CSMD3: variants seen among roughly 807,000 people sequenced by gnomAD.
The protein encoded by CSMD3 is CUB and Sushi multiple domains 3.
CSMD3 carries 177 observed loss-of-function variants against 435.2 expected under a neutral mutation model. That is an observed-to-expected ratio of 0.41 (90% confidence interval 0.36 to 0.46). The LOEUF (loss-of-function observed/expected upper bound fraction) is 0.46, where lower values mean the gene tolerates loss of function less well. CSMD3 is among the 20% of genes least tolerant of loss of function. The probability of loss-of-function intolerance (pLI) is 0.34; values close to 1 mark genes in which losing one functional copy is unlikely to be tolerated. For missense variants in CSMD3, 4,265 were observed against 4,504.6 expected, an observed-to-expected ratio of 0.95 and a Z score of 1.52; for synonymous variants, 1,656 against 1,520.5, an observed-to-expected ratio of 1.09 and a Z score of -2.07.
chr8:112,990,293 T>C (rs1480298243), intron 6 of CSMD3, among the ~76,000 whole-genome samples: 1 of 151,960 alleles, frequency 6.6e-6, no homozygotes, highest in East Asian at 1.9e-4. Context: ...CCTTCTATGA[T>C]AGTCAACTAT....
intron 1 of CSMD3, among the ~76,000 whole-genome samples, chr8:113,412,170 C>T (rs2094562675): frequency 6.6e-6 from 1 of 151,994 alleles, no homozygotes; most frequent in Non-Finnish European, 1.5e-5. Flanking sequence ...TTTATTAAGT[C>T]AATCTCTGTA....
At chr8:113,256,730 G>A (rs999085362) in intron 3 of CSMD3, among the ~76,000 whole-genome samples, 10 of 152,152 alleles carry the variant, frequency 6.6e-5, no homozygotes, top group African/African-American at 2.4e-4. Context: ...AACTTTTACT[G>A]AAGCCACCAA....
chr8:112,678,644 A>C (rs1190320817), intron 16 of CSMD3, among the ~76,000 whole-genome samples: 3 of 152,214 alleles, frequency 2.0e-5, no homozygotes, highest in South Asian at 2.1e-4. Context: ...ACTGATTTCC[A>C]TTGTTCTGTA....
intron 5 of CSMD3, among the ~76,000 whole-genome samples, chr8:113,058,736 C>T (rs1421862456): frequency 6.6e-6 from 1 of 151,908 alleles, no homozygotes; most frequent in East Asian, 1.9e-4. Context: ...GAAGAAGCTT[C>T]CCTAGCGATA....
chr8:113,097,406 T>C (rs1022642351), intron 5 of CSMD3, among the ~76,000 whole-genome samples: 12 of 152,066 alleles, frequency 7.9e-5, no homozygotes, highest in African/African-American at 1.7e-4. Context: ...TGAAAGTATT[T>C]CACAAGACTT....
intron 1 of CSMD3, among the ~76,000 whole-genome samples, chr8:113,357,459 A>G (rs1365723716): frequency 6.6e-6 from 1 of 152,258 alleles, no homozygotes; most frequent in Non-Finnish European, 1.5e-5. Flanking sequence ...CTGGTGTGAC[A>G]GGGGAAATTT....
At chr8:113,042,630 T>C (rs2087671618) in intron 5 of CSMD3, among the ~76,000 whole-genome samples, 1 of 152,194 alleles carries the variant, frequency 6.6e-6, no homozygotes, top group Admixed American at 6.5e-5. Context: ...TATGTGTCTT[T>C]TCCTTTCAAA....
intron 13 of CSMD3, among the ~76,000 whole-genome samples, chr8:112,759,262 G>A (rs916346574): frequency 6.6e-6 from 1 of 152,018 alleles, no homozygotes; most frequent in Non-Finnish European, 1.5e-5. Context: ...TATATTAAGT[G>A]ATACACATAT....
chr8:112,515,333 C>A (rs1008648944), intron 28 of CSMD3, among the ~76,000 whole-genome samples: 1 of 152,118 alleles, frequency 6.6e-6, no homozygotes, highest in Admixed American at 6.6e-5. Context: ...ATAATTTATT[C>A]TTTACATAAA....
chr8:112,382,363 T>C (rs1829548391), intron 37 of CSMD3, among the ~76,000 whole-genome samples: 1 of 151,670 alleles, frequency 6.6e-6, no homozygotes, highest in South Asian at 2.1e-4. Context: ...AAAAGTGTGC[T>C]AAAATTGTGT....
At chr8:112,964,196 CATTT>C (rs1475736943) in intron 7 of CSMD3, among the ~76,000 whole-genome samples, 2 of 151,826 alleles carry the variant, frequency 1.3e-5, no homozygotes, top group Non-Finnish European at 2.9e-5. Context: ...TATGGTCATT[CATTT>C]GACTCTAAAA....
chr8:112,901,210 T>C (rs1246322456), intron 10 of CSMD3, among the ~76,000 whole-genome samples: 1 of 151,282 alleles, frequency 6.6e-6, no homozygotes, highest in African/African-American at 2.4e-5. Context: ...GATTAATACT[T>C]GATAAGGAAA....
At chr8:113,053,314 G>T (rs1452936981) in intron 5 of CSMD3, among the ~76,000 whole-genome samples, 2 of 151,822 alleles carry the variant, frequency 1.3e-5, no homozygotes, top group African/African-American at 4.8e-5. Context: ...TCTAATTTTA[G>T]CTTTGTACTG....
At chr8:112,772,231 C>T (rs1446684534) in intron 13 of CSMD3, among the ~76,000 whole-genome samples, 6 of 151,970 alleles carry the variant, frequency 3.9e-5, no homozygotes, top group Admixed American at 2.0e-4. Context: ...AAGAAGTAGA[C>T]ATAAGAGACT....
intron 11 of CSMD3, among the ~76,000 whole-genome samples, chr8:112,845,150 G>A (rs1002377189): frequency 1.3e-5 from 2 of 152,026 alleles, no homozygotes. Flanking sequence ...CAACTATTTT[G>A]TCTAGGAATA....
At chr8:112,578,821 G>T (rs2131321521) in intron 23 of CSMD3, among the ~76,000 whole-genome samples, 1 of 152,074 alleles carries the variant, frequency 6.6e-6, no homozygotes, top group Non-Finnish European at 1.5e-5. Context: ...AATGGACATG[G>T]CTTTCTCCCA....
chr8:112,427,607 T>C (rs970210918), intron 32 of CSMD3, among the ~76,000 whole-genome samples: 1 of 152,132 alleles, frequency 6.6e-6, no homozygotes, highest in Non-Finnish European at 1.5e-5. Context: ...TACAGCAACA[T>C]GAGAACAAAC....
At position 112,410,606 on chromosome 8, in the gene CSMD3, ATATATATATGTATATATATGTG is replaced by A. The variant is rs1563912832; in HGVS notation, c.5396-1596_5396-1575del. Among the ~76,000 whole-genome samples, 483 of 52,956 alleles carry A rather than the reference ATATATATATGTATATATATGTG, an allele frequency of 9.1e-3. 17 individuals carry two copies. Among genetic ancestry groups the A allele is most frequent in the African/African-American group, 0.023 (231 of 9,996 alleles). The allele number at this position is 52,956 out of a possible 152,430, so 34.7% of individuals were successfully genotyped here. On this transcript the variant is annotated intron_variant, in intron 32 of 70. Coordinates refer to ENST00000297405, the MANE Select transcript of CSMD3 (RefSeq NM_198123.2). ...CATACATATGTATATATATATGTGT[ATATATATATGTATATATATGTG>A]TATATATATGTATATATATATGTGT...
chr8:113,408,720 A>G (rs1161332242), intron 1 of CSMD3, among the ~76,000 whole-genome samples: 2 of 149,938 alleles, frequency 1.3e-5, no homozygotes, highest in Non-Finnish European at 3.0e-5. Context: ...TGCAGGGGCG[A>G]AATCTTGGCT....
Sources: allele counts gnomAD v4.1 joint callset (sites outside exome capture counted in the v4.1 genomes callset), GRCh38; gene constraint gnomAD v4.1.1; transcripts MANE v1.5; gene names NCBI Gene and HGNC (gene_info 2026-07-23, HGNC 2026-07-21).